AKAP6: variants seen among roughly 807,000 people sequenced by gnomAD.
AKAP6 encodes A-kinase anchoring protein 6.
A neutral mutation model predicts 188.5 loss-of-function variants in AKAP6; 58 were observed. The ratio of observed to expected loss-of-function variants is 0.31; its 90% CI spans 0.25 to 0.38. The LOEUF is 0.38. Ranked by LOEUF, AKAP6 falls within the 10% of genes least tolerant of loss-of-function variation. The probability of loss-of-function intolerance (pLI) is 1.00; values close to 1 mark genes in which losing one functional copy is unlikely to be tolerated. For synonymous variants in AKAP6, 989 were observed against 998.6 expected (o/e 0.99, Z 0.18); for missense variants, 2,710 against 2,740.0 (o/e 0.99, Z 0.24).
At chr14:32,499,602 A>G (rs1042819422) in intron 2 of AKAP6, among the ~76,000 whole-genome samples, 2 of 151,928 alleles carry the variant, frequency 1.3e-5, no homozygotes, top group African/African-American at 4.8e-5. Context: ...CTCAGAATAG[A>G]ACTTGGATAA....
chr14:32,776,245 T>C (rs984636565), intron 12 of AKAP6, among the ~76,000 whole-genome samples: 1 of 152,164 alleles, frequency 6.6e-6, no homozygotes, highest in Non-Finnish European at 1.5e-5. Flanking sequence ...CCATAATTCC[T>C]AGATGTTATG....
At chr14:32,671,416 T>C (rs779972043) in intron 7 of AKAP6, among the ~76,000 whole-genome samples, 36 of 151,980 alleles carry the variant, frequency 2.4e-4, no homozygotes, top group Non-Finnish European at 3.1e-4. Flanking sequence ...ATGGTTTTGC[T>C]ATAATGGAGA....
chr14:32,733,994 TTCC>T (rs2139835732), intron 10 of AKAP6: 1 of 152,266 alleles, frequency 6.6e-6, no homozygotes, highest in African/African-American at 2.4e-5. Context: ...CATGTATTGC[TTCC>T]TCAACAGAAT....
rs1022023781 is a variant in AKAP6, at chr14:32,700,631, C to T, written c.3000+4521C>T. Among the ~76,000 whole-genome samples, 7 of 152,258 alleles carry T rather than the reference C, an allele frequency of 4.6e-5. No homozygotes were observed. In the East Asian group the frequency reaches 9.6e-4, roughly 21 times the overall value. ...TACACAAATACTTACCATTGTGTTACGGTTGCCTACAGTATTCAGTATAGT... is the reference window on the plus strand; with the variant it reads ...TACACAAATACTTACCATTGTGTTATGGTTGCCTACAGTATTCAGTATAGT... On this transcript the variant is annotated intron_variant, in intron 9 of 13. Coordinates refer to ENST00000280979, the MANE Select transcript of AKAP6 (RefSeq NM_004274.5).
rs1299944348 is a variant in AKAP6, at chr14:32,504,005, T to G, written c.325-31549T>G. On this transcript the variant is annotated intron_variant, in intron 2 of 13. Coordinates refer to ENST00000280979, the MANE Select transcript of AKAP6 (RefSeq NM_004274.5). ...TTATTTTATAAGTATACACATACAT[T>G]GATAAAATAGCTTAGTGAGGTTGCT... Among the ~76,000 whole-genome samples the G allele has an allele frequency of 5.9e-5, 9 of 151,962 alleles. No homozygotes were observed. The East Asian group carries it at 1.7e-3, about 29-fold the overall frequency.
At position 32,754,621 on chromosome 14, in the gene AKAP6, G is replaced by A. The variant is rs1008490828; in HGVS notation, c.3372+18739G>A. Among the ~76,000 whole-genome samples, 3 of 152,104 alleles carry A rather than the reference G, an allele frequency of 2.0e-5. No individual in the cohort carries two copies. The East Asian group carries it at 5.8e-4, about 29-fold the overall frequency. The stretch of plus-strand genomic sequence containing the variant: ...GTTTTATACTTTCATGTGTTTTCAT[G>A]TTTTTAGCATCCTTTTGTTTCAACT... On this transcript the variant is annotated intron_variant, in intron 11 of 13. Coordinates refer to ENST00000280979, the MANE Select transcript of AKAP6 (RefSeq NM_004274.5).
At chr14:32,538,767 G>T (rs1373433280) in intron 3 of AKAP6, among the ~76,000 whole-genome samples, 2 of 152,018 alleles carry the variant, frequency 1.3e-5, no homozygotes, top group Non-Finnish European at 2.9e-5. Context: ...TTTATAGATG[G>T]AAAAATTGAA....
chr14:32,601,220 A>C (rs935815317), intron 7 of AKAP6, among the ~76,000 whole-genome samples: 1 of 152,188 alleles, frequency 6.6e-6, no homozygotes, highest in African/African-American at 2.4e-5. Context: ...AGAAGAGAGA[A>C]AGTGATTCAT....
At chr14:32,743,084 C>A (rs1184984363) in intron 11 of AKAP6, among the ~76,000 whole-genome samples, 1 of 152,040 alleles carries the variant, frequency 6.6e-6, no homozygotes, top group Non-Finnish European at 1.5e-5. Flanking sequence ...CAAATTGTAT[C>A]ATCTTGCTGA....
At chr14:32,641,963 T>C (rs1467444239) in intron 7 of AKAP6, among the ~76,000 whole-genome samples, 1 of 152,122 alleles carries the variant, frequency 6.6e-6, no homozygotes, top group Non-Finnish European at 1.5e-5. Flanking sequence ...TACATGAAGA[T>C]ATCTTAAAGG....
chr14:32,532,929 G>A (rs1427254658), intron 2 of AKAP6, among the ~76,000 whole-genome samples: 1 of 152,172 alleles, frequency 6.6e-6, no homozygotes, highest in African/African-American at 2.4e-5. Context: ...CATGGATGAG[G>A]CTGAAGAGCA....
At chr14:32,493,035 G>T (rs1470353641) in intron 2 of AKAP6, among the ~76,000 whole-genome samples, 3 of 152,198 alleles carry the variant, frequency 2.0e-5, no homozygotes, top group African/African-American at 7.2e-5. Context: ...CCTGTGGAAA[G>T]TCGGAACTGG....
At chr14:32,802,728 A>G (rs1036578671) in intron 12 of AKAP6, among the ~76,000 whole-genome samples, 1 of 152,248 alleles carries the variant, frequency 6.6e-6, no homozygotes, top group Admixed American at 6.5e-5. Context: ...AATTGGAAAT[A>G]TGAATTTCTA....
chr14:32,636,810 C>T (rs895791628), intron 7 of AKAP6, among the ~76,000 whole-genome samples: 1 of 152,064 alleles, frequency 6.6e-6, no homozygotes, highest in Non-Finnish European at 1.5e-5. Context: ...GAGGAGCAGA[C>T]TGTGAACGGA....
At chr14:32,594,382 G>A (rs1437677833) in intron 5 of AKAP6, among the ~76,000 whole-genome samples, 1 of 151,886 alleles carries the variant, frequency 6.6e-6, no homozygotes, top group Non-Finnish European at 1.5e-5. Context: ...ATTTTTTGTG[G>A]CATGTTCTAT....
chr14:32,494,097 C>T lies in AKAP6; in HGVS notation c.325-41457C>T, dbSNP rs1183189919. 4.6e-5 allele frequency among the ~76,000 whole-genome samples: 7 copies of T among 152,274 alleles called. 1 individual carries two copies. The highest frequency in any genetic ancestry group is 6.8e-3 in the Middle Eastern group (2 of 294). On this transcript the variant is annotated intron_variant, in intron 2 of 13. Coordinates refer to ENST00000280979, the MANE Select transcript of AKAP6 (RefSeq NM_004274.5). Reference sequence around the variant, plus strand: ...TTGGGAGACCATGGCTATCCATTCACGACAGATTAATTTACCCTTTTATTT... The same window carrying T: ...TTGGGAGACCATGGCTATCCATTCATGACAGATTAATTTACCCTTTTATTT...
chr14:32,457,553 G>A (rs1322137625), intron 2 of AKAP6, among the ~76,000 whole-genome samples: 2 of 152,070 alleles, frequency 1.3e-5, no homozygotes, highest in East Asian at 1.9e-4. Flanking sequence ...GTTAATTAAA[G>A]GGTCAACTTT....
At chr14:32,697,355 A>G (rs1252594087) in intron 9 of AKAP6, among the ~76,000 whole-genome samples, 2 of 152,176 alleles carry the variant, frequency 1.3e-5, no homozygotes, top group East Asian at 3.9e-4. Context: ...GTTGACTGTT[A>G]GCTGTTTCCT....
At chr14:32,812,397 T>A (rs894611947) in intron 12 of AKAP6, among the ~76,000 whole-genome samples, 1 of 151,878 alleles carries the variant, frequency 6.6e-6, no homozygotes, top group African/African-American at 2.4e-5. Flanking sequence ...TTTAAAAAAT[T>A]CATTTTAAAC....
Sources: allele counts gnomAD v4.1 joint callset (sites outside exome capture counted in the v4.1 genomes callset), GRCh38; gene constraint gnomAD v4.1.1; transcripts MANE v1.5; gene names NCBI Gene and HGNC (gene_info 2026-07-23, HGNC 2026-07-21).